The following CLIC5 variants were observed in gnomAD, a reference collection of about 807,000 sequenced individuals.
CLIC5 encodes the protein chloride intracellular channel protein 5.
A neutral mutation model predicts 24.7 loss-of-function variants in CLIC5; 20 were observed. That is an observed-to-expected ratio of 0.81 (90% CI 0.57 to 1.18). CLIC5 has a LOEUF of 1.18. Ranked by LOEUF, CLIC5 falls within the 50% of genes most tolerant of loss-of-function variation. The pLI is 0.00. For synonymous variants in CLIC5, 159 were observed against 135.6 expected (o/e 1.17, Z -1.20); for missense variants, 341 against 326.1 (o/e 1.05, Z -0.35).
intron 5 of CLIC5, 37 bp downstream of exon 5, chr6:45,914,191 T>C (rs762803319): frequency 6.8e-7 from 1 of 1,477,522 alleles, no homozygotes; most frequent in South Asian, 1.4e-5. Flanking sequence ...AAGATGGAGC[T>C]GGATCTTGCA....
At chr6:46,053,696 C>G (rs1768167019) in intron 1 of CLIC5, among the ~76,000 whole-genome samples, 1 of 152,198 alleles carries the variant, frequency 6.6e-6, no homozygotes. Context: ...TCTTAGCAAA[C>G]TATTTCCTCT....
chr6:46,051,646 C>T (rs898152515), intron 1 of CLIC5, among the ~76,000 whole-genome samples: 3 of 152,168 alleles, frequency 2.0e-5, no homozygotes, highest in Non-Finnish European at 4.4e-5. Context: ...TTCCCTTTCA[C>T]GTTCTAACTG....
At chr6:46,055,547 T>C (rs1213430006) in intron 1 of CLIC5, among the ~76,000 whole-genome samples, 1 of 152,246 alleles carries the variant, frequency 6.6e-6, no homozygotes, top group East Asian at 1.9e-4. Context: ...CATCAGTACT[T>C]TTCTTTTGAA....
At chr6:45,895,059 A>G (rs1270414540), downstream of CLIC5, among the ~76,000 whole-genome samples, 1 of 152,182 alleles carries the variant, frequency 6.6e-6, no homozygotes, top group Non-Finnish European at 1.5e-5. Flanking sequence ...CTCACTAGAA[A>G]AAGTCTGGGA....
chr6:46,019,825 T>C (rs1277403314), upstream of CLIC5, among the ~76,000 whole-genome samples: 1 of 150,238 alleles, frequency 6.7e-6, no homozygotes, highest in African/African-American at 2.4e-5. Context: ...AATAGAGACA[T>C]TACATAATAA....
intron 1 of CLIC5, among the ~76,000 whole-genome samples, chr6:45,996,392 TTTGG>T (rs1463952091): frequency 6.6e-6 from 1 of 152,156 alleles, no homozygotes; most frequent in African/African-American, 2.4e-5. Context: ...TGCCATTGCT[TTTGG>T]TGTTTTAGAC....
At chr6:46,009,645 T>C (rs965619017) in intron 1 of CLIC5, among the ~76,000 whole-genome samples, 4 of 152,216 alleles carry the variant, frequency 2.6e-5, no homozygotes, top group Non-Finnish European at 4.4e-5. Flanking sequence ...TCCTGGTAGA[T>C]AATACGTGTG....
At chr6:45,893,176 T>G (rs1762367411) in intron 6 of CLIC5, among the ~76,000 whole-genome samples, 1 of 152,114 alleles carries the variant, frequency 6.6e-6, no homozygotes, top group South Asian at 2.1e-4. Flanking sequence ...GTTTTTGTTT[T>G]CATGTTGTAT....
At chr6:45,997,158 G>A (rs958268839) in intron 1 of CLIC5, among the ~76,000 whole-genome samples, 1 of 150,566 alleles carries the variant, frequency 6.6e-6, no homozygotes, top group African/African-American at 2.4e-5. Context: ...TATACACCAT[G>A]GAATACTATG....
At chr6:45,928,181 C>A (rs888936877) in intron 4 of CLIC5, among the ~76,000 whole-genome samples, 1 of 152,186 alleles carries the variant, frequency 6.6e-6, no homozygotes, top group Admixed American at 6.5e-5. Context: ...AAATTACCCT[C>A]TCTAAACTGC....
chr6:45,885,004 C>CAA (rs368245450), intron 6 of CLIC5, among the ~76,000 whole-genome samples: 7 of 75,978 alleles, frequency 9.2e-5, no homozygotes, highest in South Asian at 5.1e-4. Context: ...CATCAAGGGC[C>CAA]AAAAAAAAAA....
At chr6:45,985,065 T>G (rs530471501) in intron 1 of CLIC5, among the ~76,000 whole-genome samples, 3 of 152,246 alleles carry the variant, frequency 2.0e-5, no homozygotes, top group African/African-American at 7.2e-5. Context: ...GACACTGAAA[T>G]TAGCTTGGTC....
chr6:46,066,858 G>A (rs1426065654), intron 1 of CLIC5, among the ~76,000 whole-genome samples: 1 of 152,118 alleles, frequency 6.6e-6, no homozygotes, highest in Non-Finnish European at 1.5e-5. Flanking sequence ...GAGAGGAGAA[G>A]GTGTTGTAGG....
chr6:46,091,914 A>G, the CLIC5 span, among the ~76,000 whole-genome samples: 1 of 152,146 alleles, frequency 6.6e-6, no homozygotes, highest in African/African-American at 2.4e-5. Flanking sequence ...TCTATTTTTA[A>G]TATTTTTAGG....
At chr6:45,886,091 C>T (rs1352187559) in intron 6 of CLIC5, among the ~76,000 whole-genome samples, 2 of 152,120 alleles carry the variant, frequency 1.3e-5, no homozygotes, top group Non-Finnish European at 2.9e-5. Flanking sequence ...TCTAAGGTTA[C>T]CAGAAGGAGG....
At chr6:45,907,540 T>C (rs927364377) in intron 5 of CLIC5, among the ~76,000 whole-genome samples, 4 of 152,194 alleles carry the variant, frequency 2.6e-5, no homozygotes, top group African/African-American at 9.7e-5. Context: ...GCTAGCTTCA[T>C]AGAATGAGTT....
At chr6:46,097,931 T>A in the CLIC5 span, among the ~76,000 whole-genome samples, 3 of 151,008 alleles carry the variant, frequency 2.0e-5, no homozygotes, top group Non-Finnish European at 4.4e-5. Flanking sequence ...TCTGATGGGG[T>A]GTACACACGT....
rs117983566 is a variant in CLIC5 at position 46,046,385 on chromosome 6, C to T, written c.540+33318G>A. Among the ~76,000 whole-genome samples, 104 of 152,202 alleles carry T rather than the reference C, an allele frequency of 6.8e-4. 2 individuals are homozygous for T. The East Asian group carries it at 0.015, about 22-fold the overall frequency. ...TCCACCTCAATGGAAACAAAAGAAA[C>T]GAAATGAAGTGTCAGTACCATTTCC... On this transcript the variant is annotated intron_variant, in intron 1 of 5. Transcript: ENST00000185206.
At chr6:45,886,071 C>A (rs1401264191) in intron 6 of CLIC5, among the ~76,000 whole-genome samples, 1 of 152,192 alleles carries the variant, frequency 6.6e-6, no homozygotes, top group Non-Finnish European at 1.5e-5. Flanking sequence ...TGAGCTCAAC[C>A]TTTCCTCATT....
Sources: gnomAD v4.1 joint callset for allele counts (sites outside exome capture counted in the v4.1 genomes callset) on GRCh38, gnomAD v4.1.1 for gene constraint, MANE v1.5 for transcripts, NCBI Gene and HGNC (gene_info 2026-07-23, HGNC 2026-07-21) for gene names.